Variants in PLEKHS1 observed in about 807,000 individuals in gnomAD.
PLEKHS1 encodes pleckstrin homology domain-containing family S member 1.
PLEKHS1 carries 55 observed loss-of-function variants against 51.0 expected under a neutral mutation model. The observed-to-expected ratio is 1.08, with a 90% CI of 0.87 to 1.35. The LOEUF is 1.35. PLEKHS1 is among the 40% of genes most tolerant of loss of function. The pLI, the probability that PLEKHS1 is intolerant of heterozygous loss-of-function variation, is 0.00. For missense variants in PLEKHS1, 398 were observed against 423.0 expected, an observed-to-expected ratio of 0.94 and a Z score of 0.52; for synonymous variants, 153 against 144.8, an observed-to-expected ratio of 1.06 and a Z score of -0.41.
At chr10:113,766,921 A>G (rs1398807955) in intron 4 of PLEKHS1, among the ~76,000 whole-genome samples, 1 of 152,222 alleles carries the variant, frequency 6.6e-6, no homozygotes, top group East Asian at 1.9e-4. Flanking sequence ...ATTGTATGTC[A>G]TACTTGATAA....
chr10:113,771,728 T>G (rs1844419223), intron 7 of PLEKHS1, among the ~76,000 whole-genome samples: 1 of 151,042 alleles, frequency 6.6e-6, no homozygotes, highest in African/African-American at 2.4e-5. Flanking sequence ...CCACTTGTTC[T>G]GAGTGACTGT....
intron 10 of PLEKHS1, 39 bp downstream of exon 10, chr10:113,775,074 G>A (rs753631012): frequency 1.3e-6 from 2 of 1,543,492 alleles, no homozygotes; most frequent in Admixed American, 1.8e-5. Flanking sequence ...GGCCCTAAGA[G>A]CAAGGCAGCC....
exon 12 of PLEKHS1, chr10:113,780,602 A>T: frequency 6.2e-7 from 1 of 1,612,466 alleles, no homozygotes; most frequent in South Asian, 1.1e-5. Flanking sequence ...TGTGTTTTAG[A>T]AATTAAAGCT....
At chr10:113,768,189 C>G (rs1356027508) in intron 5 of PLEKHS1, among the ~76,000 whole-genome samples, 1 of 152,102 alleles carries the variant, frequency 6.6e-6, no homozygotes, top group East Asian at 1.9e-4. Flanking sequence ...AGGCTTGCCC[C>G]CAAAGTAGTC....
intron 2 of PLEKHS1, among the ~76,000 whole-genome samples, chr10:113,759,576 A>T (rs568008708): frequency 6.6e-6 from 1 of 152,222 alleles, no homozygotes; most frequent in Non-Finnish European, 1.5e-5. Flanking sequence ...ATAATTTTTT[A>T]AAAATATATC....
exon 12 of PLEKHS1, chr10:113,782,080 C>T (rs889095591): frequency 1.1e-4 from 17 of 152,134 alleles, no homozygotes; most frequent in Admixed American, 9.2e-4. Flanking sequence ...GAATAAAATT[C>T]TTTTATATAA....
At chr10:113,767,726 C>T (rs1844228529) in intron 5 of PLEKHS1, among the ~76,000 whole-genome samples, 1 of 152,102 alleles carries the variant, frequency 6.6e-6, no homozygotes, top group African/African-American at 2.4e-5. Flanking sequence ...CTCACTGTTC[C>T]AGGGGCTAGG....
intron 2 of PLEKHS1, among the ~76,000 whole-genome samples, chr10:113,762,365 C>CTTTTTTTTTTTTTTTTTTTTTTTTTTT (rs34457408): frequency 8.1e-4 from 50 of 61,786 alleles, no homozygotes; most frequent in East Asian, 2.0e-3. Flanking sequence ...AGATTTGTTC[C>CTTTTTTTTTTTTTTTTTTTTTTTTTTT]TTTTTTTTTT....
At chr10:113,772,758 G>A (rs1294507812) in intron 8 of PLEKHS1, among the ~76,000 whole-genome samples, 1 of 152,196 alleles carries the variant, frequency 6.6e-6, no homozygotes, top group African/African-American at 2.4e-5. Flanking sequence ...TTTGATACAT[G>A]TATGGGGAAT....
chr10:113,772,014 A>G, exon 8 of PLEKHS1: 1 of 1,613,784 alleles, frequency 6.2e-7, no homozygotes, highest in South Asian at 1.1e-5. Flanking sequence ...AAACTCACCT[A>G]CAAGATTTAT....
intron 2 of PLEKHS1, among the ~76,000 whole-genome samples, chr10:113,759,860 C>G (rs1843839774): frequency 6.6e-6 from 1 of 151,998 alleles, no homozygotes; most frequent in South Asian, 2.1e-4. Context: ...TTTTAAAAAG[C>G]TTTATTGAGG....
rs1293860958 is a variant in PLEKHS1 at position 113,767,486 on chromosome 10, GAAGT to G, written c.359+11_359+14del. On this transcript the variant is annotated splice_region_variant and intron_variant, in intron 5 of 11. Transcript: ENST00000361048. ...TCCTCATTGGCCACGACAGGTGAGA[GAAGT>G]AAGATAACACAGAATATCTACTGCA... 2.5e-6 allele frequency: 4 copies of G among 1,599,604 alleles called. No individual in the cohort carries two copies. The East Asian group carries it at 6.7e-5, about 27-fold the overall frequency.
chr10:113,770,412 T>C (rs1289707038), intron 7 of PLEKHS1, among the ~76,000 whole-genome samples: 2 of 152,230 alleles, frequency 1.3e-5, no homozygotes, highest in African/African-American at 2.4e-5. Flanking sequence ...ATAATGTACC[T>C]GCCTCTTGAA....
chr10:113,778,724 A>AGG (rs1305248339), intron 11 of PLEKHS1, among the ~76,000 whole-genome samples: 1 of 148,492 alleles, frequency 6.7e-6, no homozygotes, highest in African/African-American at 2.4e-5. Flanking sequence ...GCTCACTGCA[A>AGG]GCTCCGCCTG....
rs116555386 is a variant in PLEKHS1 at position 113,769,765 on chromosome 10, T to C, written c.436-19T>C. ...CAGAGATCAACTGTGCCCTGACTGA[T>C]TCCTTTTTTTGTGAGCAGGAGGAAC... On this transcript the variant is annotated intron_variant, in intron 6 of 11. Coordinates refer to ENST00000361048, the Ensembl canonical transcript of PLEKHS1. 4.7e-4 allele frequency: 718 copies of C among 1,527,832 alleles called. 1 individual carries two copies. In the African/African-American group the frequency reaches 8.6e-3, roughly 18 times the overall value. 94.6% of individuals were successfully genotyped at this position (1,527,832 alleles called of 1,614,324 possible). A position where few individuals can be genotyped will look rare whatever the true frequency, so the allele number is the denominator to read the frequency against.
intron 2 of PLEKHS1, among the ~76,000 whole-genome samples, chr10:113,760,474 CA>C (rs531086053): frequency 0.015 from 2,190 of 145,624 alleles, 61 homozygotes; most frequent in African/African-American, 0.05. Flanking sequence ...GGCTACATCT[CA>C]AAAAAAAAAG....
intron 2 of PLEKHS1, 177 bp downstream of exon 2, chr10:113,755,482 GCTCACTGCAAC>G (rs1301450329): frequency 8.2e-7 from 1 of 1,221,928 alleles, no homozygotes; most frequent in African/African-American, 1.6e-5. Flanking sequence ...CACGATCTAA[GCTCACTGCAAC>G]CTGCCAGCTC....
Position 113,756,295 on chromosome 10 carries a change from G to A in PLEKHS1, c.28+990G>A, listed in dbSNP as rs573918393. 1.2e-4 allele frequency among the ~76,000 whole-genome samples: 18 copies of A among 152,082 alleles called. No individual in the cohort carries two copies. The South Asian group carries it at 2.3e-3, about 19-fold the overall frequency. On this transcript the variant is annotated intron_variant, in intron 2 of 11. Coordinates refer to ENST00000361048, the Ensembl canonical transcript of PLEKHS1. ...AGCTTGGCCAACATGGTGAAACCTCGTCTCTATTAAAAATACAAAAATTTG... is the reference window on the plus strand; with the variant it reads ...AGCTTGGCCAACATGGTGAAACCTCATCTCTATTAAAAATACAAAAATTTG...
intron 11 of PLEKHS1, chr10:113,777,174 G>A: frequency 6.2e-7 from 1 of 1,612,822 alleles, no homozygotes; most frequent in Non-Finnish European, 8.5e-7. Context: ...TTTTGCCACG[G>A]AGATCATCTT....
Sources: gnomAD v4.1 joint callset for allele counts (sites outside exome capture counted in the v4.1 genomes callset) on GRCh38, gnomAD v4.1.1 for gene constraint, MANE v1.5 for transcripts, NCBI Gene and HGNC (gene_info 2026-07-23, HGNC 2026-07-21) for gene names.